GMDS: variants seen among roughly 807,000 people sequenced by gnomAD.
GMDS encodes GDP-mannose 4,6-dehydratase, also known as GDP-mannose 4,6 dehydratase.
GMDS carries 20 observed loss-of-function variants against 49.9 expected under a neutral mutation model. That is an observed-to-expected ratio of 0.40 (90% confidence interval 0.28 to 0.58). The LOEUF is 0.58. Among genes scored for constraint, GMDS ranks in the 20% least tolerant of loss-of-function variants. The probability of loss-of-function intolerance (pLI) is 0.42; values close to 1 mark genes in which losing one functional copy is unlikely to be tolerated. For missense variants in GMDS, 362 were observed against 481.4 expected, an observed-to-expected ratio of 0.75 and a Z score of 2.32; for synonymous variants, 177 against 178.6, an observed-to-expected ratio of 0.99 and a Z score of 0.07.
intron 1 of GMDS, among the ~76,000 whole-genome samples, chr6:2,220,856 T>C (rs150158172): frequency 2.0e-5 from 3 of 152,094 alleles, no homozygotes; most frequent in South Asian, 2.1e-4. Flanking sequence ...TGTTTGATAA[T>C]GGTAATAAAG....
At chr6:1,952,092 G>A in intron 6 of GMDS, 1 of 583,718 alleles carries the variant, frequency 1.7e-6, no homozygotes, top group South Asian at 7.5e-5. Context: ...TCACGACCTT[G>A]GACAACTCAA....
intron 1 of GMDS, among the ~76,000 whole-genome samples, chr6:2,242,250 C>T (rs1310681707): frequency 6.6e-6 from 1 of 152,206 alleles, no homozygotes; most frequent in African/African-American, 2.4e-5. Flanking sequence ...CAAAAAACAG[C>T]AAGAACATCT....
intron 7 of GMDS, among the ~76,000 whole-genome samples, chr6:1,807,282 T>C (rs1037163838): frequency 6.6e-6 from 1 of 152,184 alleles, no homozygotes; most frequent in Non-Finnish European, 1.5e-5. Context: ...GCTCAGGCAA[T>C]CCTCCCACCT....
At chr6:2,052,143 A>AAAAAAC (rs1770453878) in intron 4 of GMDS, among the ~76,000 whole-genome samples, 1 of 148,930 alleles carries the variant, frequency 6.7e-6, no homozygotes, top group Non-Finnish European at 1.5e-5. Flanking sequence ...AAAAAAAAAA[A>AAAAAAC]CAGAAAAGAA....
rs765962520 is a variant in GMDS, at chr6:2,115,757, A to C, written c.345+14T>G. On this transcript the variant is annotated intron_variant, in intron 4 of 10. Coordinates refer to ENST00000380815, the MANE Select transcript of GMDS (RefSeq NM_001500.4). ...CAGAAACACGGCCAGAGAAATCCCA[A>C]TGAAAATGCTTACTTTGACGTGGCT... 2 of 1,355,170 alleles carry C rather than the reference A, an allele frequency of 1.5e-6. No homozygotes were observed. The highest frequency in any genetic ancestry group is 2.1e-6 in the Non-Finnish European group (2 of 943,838). 83.9% of individuals were successfully genotyped at this position (1,355,170 alleles called of 1,614,324 possible).
intron 1 of GMDS, among the ~76,000 whole-genome samples, chr6:2,240,912 T>C (rs1327154265): frequency 6.6e-6 from 1 of 152,198 alleles, no homozygotes; most frequent in African/African-American, 2.4e-5. Context: ...ATCTACAACC[T>C]GGTCATGTGA....
intron 3 of GMDS, among the ~76,000 whole-genome samples, chr6:2,116,276 G>A (rs1225163695): frequency 6.6e-6 from 1 of 152,128 alleles, no homozygotes; most frequent in Non-Finnish European, 1.5e-5. Context: ...TGATGATGAA[G>A]ACAGCTCTCT....
chr6:1,880,739 T>C (rs1759321880), intron 7 of GMDS, among the ~76,000 whole-genome samples: 1 of 152,202 alleles, frequency 6.6e-6, no homozygotes, highest in African/African-American at 2.4e-5. Context: ...CTAACCTCCA[T>C]TAATATACTT....
At chr6:1,999,420 T>C (rs570392622) in intron 4 of GMDS, among the ~76,000 whole-genome samples, 7 of 151,488 alleles carry the variant, frequency 4.6e-5, no homozygotes, top group Non-Finnish European at 1.0e-4. Context: ...ATTTAAAATA[T>C]AAGTTATTTC....
intron 4 of GMDS, among the ~76,000 whole-genome samples, chr6:2,019,899 G>A (rs1424849211): frequency 6.6e-6 from 1 of 152,140 alleles, no homozygotes; most frequent in East Asian, 1.9e-4. Context: ...GCCAAATTTT[G>A]TATATGAAAC....
At chr6:2,089,446 G>A (rs1397903518) in intron 4 of GMDS, among the ~76,000 whole-genome samples, 1 of 152,050 alleles carries the variant, frequency 6.6e-6, no homozygotes, top group African/African-American at 2.4e-5. Flanking sequence ...AGTAGAGGAT[G>A]ATTTTCAATG....
At chr6:1,834,162 T>C (rs998900222) in intron 7 of GMDS, among the ~76,000 whole-genome samples, 2 of 152,218 alleles carry the variant, frequency 1.3e-5, no homozygotes, top group Admixed American at 1.3e-4. Flanking sequence ...CAGATGATAT[T>C]AATTTCATCA....
intron 7 of GMDS, among the ~76,000 whole-genome samples, chr6:1,925,223 C>T (rs560815459): frequency 6.6e-6 from 1 of 152,074 alleles, no homozygotes; most frequent in Admixed American, 6.5e-5. Flanking sequence ...ATCTAACTGC[C>T]TATGACTTTA....
chr6:2,174,174 G>A (rs894700915), intron 1 of GMDS, among the ~76,000 whole-genome samples: 16 of 152,180 alleles, frequency 1.1e-4, no homozygotes, highest in African/African-American at 3.4e-4. Context: ...CTTAGATGCT[G>A]GAGGCTCAGA....
chr6:1,903,849 G>A (rs1274939459), intron 7 of GMDS, among the ~76,000 whole-genome samples: 2 of 152,158 alleles, frequency 1.3e-5, no homozygotes, highest in African/African-American at 4.8e-5. Context: ...TGGGTGGGCA[G>A]GAACCTGGGG....
intron 1 of GMDS, among the ~76,000 whole-genome samples, chr6:2,184,710 T>TA (rs965728440): frequency 1.3e-5 from 2 of 152,208 alleles, no homozygotes; most frequent in African/African-American, 4.8e-5. Context: ...AATTTTCTTT[T>TA]AAAAATGTAA....
chr6:1,896,209 G>A (rs950514970), intron 7 of GMDS, among the ~76,000 whole-genome samples: 25 of 152,228 alleles, frequency 1.6e-4, no homozygotes, highest in African/African-American at 6.0e-4. Context: ...AGGATGTTCA[G>A]CAGCATCCTC....
At chr6:1,721,805 A>G (rs1037278152) in intron 9 of GMDS, among the ~76,000 whole-genome samples, 2 of 152,116 alleles carry the variant, frequency 1.3e-5, no homozygotes, top group Non-Finnish European at 2.9e-5. Context: ...ATATATATTA[A>G]TAGGTCAATA....
chr6:2,067,518 C>T (rs1771685104), intron 4 of GMDS, among the ~76,000 whole-genome samples: 1 of 151,756 alleles, frequency 6.6e-6, no homozygotes, highest in Non-Finnish European at 1.5e-5. Flanking sequence ...AAACCGCTAG[C>T]AAGACTAATA....
Sources: gnomAD v4.1 joint callset for allele counts (sites outside exome capture counted in the v4.1 genomes callset) on GRCh38, gnomAD v4.1.1 for gene constraint, MANE v1.5 for transcripts, NCBI Gene and HGNC (gene_info 2026-07-23, HGNC 2026-07-21) for gene names.